HSF2: variants seen among roughly 807,000 people sequenced by gnomAD.
HSF2 encodes heat shock factor protein 2.
A neutral mutation model predicts 65.0 loss-of-function variants in HSF2; 21 were observed. The ratio of observed to expected loss-of-function variants is 0.32; its 90% CI spans 0.23 to 0.47. The LOEUF is 0.47. Ranked by LOEUF, HSF2 falls within the 20% of genes least tolerant of loss-of-function variation. The probability of loss-of-function intolerance (pLI) is 1.00; values close to 1 mark genes in which losing one functional copy is unlikely to be tolerated. For synonymous variants in HSF2, 225 were observed against 219.1 expected (o/e 1.03, Z -0.24); for missense variants, 499 against 628.1 (o/e 0.79, Z 2.20).
intron 5 of HSF2, among the ~76,000 whole-genome samples, chr6:122,417,692 T>C (rs933686590): frequency 2.0e-4 from 31 of 152,196 alleles, no homozygotes; most frequent in Non-Finnish European, 7.3e-5. Context: ...TAAAAATCCC[T>C]GTGTAATGTG....
chr6:122,416,847 G>A (rs1774139476), intron 5 of HSF2, among the ~76,000 whole-genome samples: 1 of 152,118 alleles, frequency 6.6e-6, no homozygotes, highest in Admixed American at 6.6e-5. Context: ...ATTTAATAGA[G>A]GAGTTGGAAT....
intron 1 of HSF2, among the ~76,000 whole-genome samples, chr6:122,402,864 T>C (rs1773771909): frequency 6.6e-6 from 1 of 152,136 alleles, no homozygotes; most frequent in African/African-American, 2.4e-5. Flanking sequence ...CTCTCATCTT[T>C]TGAAAGTTGC....
chr6:122,400,092 T>G (rs554158770), intron 1 of HSF2, among the ~76,000 whole-genome samples: 1 of 152,228 alleles, frequency 6.6e-6, no homozygotes, highest in Admixed American at 6.5e-5. Context: ...AGGCAGCCCC[T>G]TAACGGTCCG....
intron 1 of HSF2, among the ~76,000 whole-genome samples, chr6:122,411,437 C>G (rs1212733930): frequency 6.6e-6 from 1 of 151,564 alleles, no homozygotes; most frequent in African/African-American, 2.4e-5. Flanking sequence ...TGTTGGTAGT[C>G]TTTAGATTTG....
At chr6:122,403,622 A>G (rs1226096374) in intron 1 of HSF2, among the ~76,000 whole-genome samples, 2 of 152,210 alleles carry the variant, frequency 1.3e-5, no homozygotes, top group African/African-American at 4.8e-5. Flanking sequence ...AACAACAACA[A>G]AAAACAGAAA....
rs140596115 is a variant in HSF2, at chr6:122,422,579, G to A, written c.831-139G>A. On this transcript the variant is annotated intron_variant, in intron 8 of 12. Coordinates refer to ENST00000368455, the MANE Select transcript of HSF2 (RefSeq NM_004506.4). ...TTCTATACTATGAAGTACCAATATTGTGATTAAGCTGCTCGCTCAAGAAAT... is the reference window on the plus strand; with the variant it reads ...TTCTATACTATGAAGTACCAATATTATGATTAAGCTGCTCGCTCAAGAAAT... The A allele has an allele frequency of 1.9e-4, 161 of 849,472 alleles. No homozygotes were observed. The African/African-American group carries it at 2.4e-3, about 13-fold the overall frequency. The allele number at this position is 849,472 out of a possible 1,614,324, so 52.6% of individuals were successfully genotyped here. A position where few individuals can be genotyped will look rare whatever the true frequency, so the allele number is the denominator to read the frequency against.
intron 1 of HSF2, among the ~76,000 whole-genome samples, chr6:122,409,096 G>A (rs961603879): frequency 3.3e-5 from 5 of 152,032 alleles, no homozygotes; most frequent in Non-Finnish European, 7.4e-5. Context: ...ATACCCTACT[G>A]TGGATGAATT....
Position 122,427,911 on chromosome 6 carries a change from T to C in HSF2, c.1185T>C (p.Thr395=). ...IDPDLLVDLF[T]SSVQMNPTDY... ...CTTGTTTGGTCTTTCAGCTTTTCAC[T>C]AGTTCTGTGCAGATGAATCCCACAG... is the stretch of plus-strand genomic sequence containing the variant. The change falls in exon 11 of 13, where the codon ACT becomes ACC. Residue 395 remains threonine, a synonymous_variant. Coordinates refer to ENST00000368455, the MANE Select transcript of HSF2 (RefSeq NM_004506.4). The C allele has an allele frequency of 6.3e-7, 1 of 1,598,640 alleles. No individual in the cohort carries two copies. The highest frequency in any genetic ancestry group is 8.6e-7 in the Non-Finnish European group (1 of 1,169,210).
chr6:122,404,055 T>A (rs147289740), intron 1 of HSF2, among the ~76,000 whole-genome samples: 2 of 152,324 alleles, frequency 1.3e-5, no homozygotes, highest in East Asian at 3.9e-4. Context: ...TTCTTCAGAT[T>A]GTTTGAGAAA....
chr6:122,402,158 A>T (rs185552755), intron 1 of HSF2, among the ~76,000 whole-genome samples: 6 of 152,330 alleles, frequency 3.9e-5, no homozygotes, highest in African/African-American at 1.4e-4. Context: ...GGACACCCCT[A>T]CCCTAATAGA....
At chr6:122,400,270 G>C (rs1773697333) in intron 1 of HSF2, among the ~76,000 whole-genome samples, 1 of 152,154 alleles carries the variant, frequency 6.6e-6, no homozygotes, top group Admixed American at 6.5e-5. Context: ...GGGCTTTATA[G>C]GAGGCGATCT....
Position 122,422,264 on chromosome 6 carries a change from G to A in HSF2, c.796G>A (p.Glu266Lys). 6.3e-7 allele frequency: 1 copy of A among 1,599,952 alleles called. No homozygotes were observed. The highest frequency in any genetic ancestry group is 8.6e-7 in the Non-Finnish European group (1 of 1,168,114). ...ADEENIPVIPETNEDVISDPS... is the reference protein window; with the variant it reads ...ADEENIPVIPKTNEDVISDPS... ...TGAAGAAAATATCCCAGTTATTCCA[G>A]AAACTAATGAGGATGTTATATCTGA... Residue 266 changes from glutamate (E) to lysine (K), a missense_variant, in exon 8 of 13, where the codon GAA becomes AAA. By Grantham distance (56) the Glu-to-Lys change is moderately conservative (BLOSUM62 1). Coordinates refer to ENST00000368455, the MANE Select transcript of HSF2 (RefSeq NM_004506.4).
chr6:122,401,930 A>G (rs1209316117), intron 1 of HSF2, among the ~76,000 whole-genome samples: 1 of 152,182 alleles, frequency 6.6e-6, no homozygotes, highest in Non-Finnish European at 1.5e-5. Context: ...AAGATTGGAG[A>G]TAAGACCCTA....
intron 1 of HSF2, among the ~76,000 whole-genome samples, chr6:122,402,560 T>TCC (rs1773761450): frequency 1.3e-5 from 2 of 151,858 alleles, no homozygotes; most frequent in African/African-American, 4.8e-5. Context: ...TATATCATAT[T>TCC]CGTTTTTTTT....
chr6:122,407,405 T>C lies in HSF2; in HGVS notation c.94-4968T>C, dbSNP rs149476777. Reference sequence around the variant, plus strand: ...AGCCATGTATGAGATTTTCTGTTAATCTGCCTCTTCAAAACTGTGTATTAG... The same window carrying C: ...AGCCATGTATGAGATTTTCTGTTAACCTGCCTCTTCAAAACTGTGTATTAG... On this transcript the variant is annotated intron_variant, in intron 1 of 12. Coordinates refer to ENST00000368455, the MANE Select transcript of HSF2 (RefSeq NM_004506.4). 5.0e-3 allele frequency among the ~76,000 whole-genome samples: 761 copies of C among 152,316 alleles called. 5 individuals are homozygous for C. Among genetic ancestry groups the C allele is most frequent in the South Asian group, 0.018 (87 of 4,830 alleles).
At chr6:122,414,309 G>A (rs1213529411) in intron 4 of HSF2, among the ~76,000 whole-genome samples, 1 of 152,116 alleles carries the variant, frequency 6.6e-6, no homozygotes, top group East Asian at 1.9e-4. Context: ...GAATTTTTCT[G>A]TATCCTAATA....
chr6:122,430,391 A>T (rs1306309964), intron 11 of HSF2, among the ~76,000 whole-genome samples: 1 of 151,746 alleles, frequency 6.6e-6, no homozygotes, highest in Non-Finnish European at 1.5e-5. Context: ...TTTGAAATCC[A>T]TTTGTTATCA....
Position 122,422,903 on chromosome 6 carries a change from A to T in HSF2, c.1016A>T (p.Asp339Val), listed in dbSNP as rs773087804. The T allele has an allele frequency of 3.1e-6, 5 of 1,613,588 alleles. No individual in the cohort carries two copies. The highest frequency in any genetic ancestry group is 4.2e-6 in the Non-Finnish European group (5 of 1,179,646). The change falls in exon 9 of 13, where the codon GAT becomes GTT. Residue 339 changes from aspartate (D) to valine (V), a missense_variant. Physicochemically the swap from Asp to Val is radical, Grantham distance 152. Transcript: ENST00000368455. ...LNGSSSLTSE[D>V]PVTMMDSILN... ...GGCTCATCCAGTCTGACCTCAGAAG[A>T]TCCAGTGACCATGATGGATTCCATT... is the stretch of plus-strand genomic sequence containing the variant.
chr6:122,413,535 C>A lies in HSF2; in HGVS notation c.341C>A (p.Ser114Ter). Residue 114 changes from serine to a stop codon, truncating the protein, a stop_gained, in exon 4 of 13, where the codon TCA becomes TAA. Transcript: ENST00000368455. LOFTEE classifies it high-confidence loss of function. ...LENIKRKVSS[S>*]KPEENKIRQE... is the part of the protein sequence containing the mutation. The stretch of plus-strand genomic sequence containing the variant: ...TTTACTTTTTCAAAGGTTTCATCTT[C>A]AAAACCAGAAGAAAATAAAATTCGT... 6.4e-7 allele frequency: 1 copy of A among 1,572,850 alleles called. No homozygotes were observed. Among genetic ancestry groups the A allele is most frequent in the South Asian group, 1.1e-5 (1 of 89,284 alleles).
Sources: allele counts gnomAD v4.1 joint callset (sites outside exome capture counted in the v4.1 genomes callset), GRCh38; gene constraint gnomAD v4.1.1; transcripts MANE v1.5; gene names NCBI Gene and HGNC (gene_info 2026-07-23, HGNC 2026-07-21).